Variants in AGMO observed in about 807,000 individuals in gnomAD.
The protein encoded by AGMO is alkylglycerol monooxygenase, also known as glyceryl-ether monooxygenase.
Under a neutral mutation model 60.2 loss-of-function variants are expected in AGMO, and 75 were observed. The observed-to-expected ratio is 1.25, with a 90% CI of 1.03 to 1.51. The LOEUF is 1.51. Ranked by LOEUF, AGMO falls within the 40% of genes most tolerant of loss-of-function variation. AGMO has a pLI of 0.00. For missense variants in AGMO, 763 were observed against 525.5 expected (o/e 1.45, Z -4.42); for synonymous variants, 261 against 177.1 (o/e 1.47, Z -3.76).
chr7:15,480,773 C>A (rs1013108294), intron 3 of AGMO, among the ~76,000 whole-genome samples: 1 of 152,018 alleles, frequency 6.6e-6, no homozygotes, highest in Non-Finnish European at 1.5e-5. Context: ...TGTCAAAGCA[C>A]CTGCCACTGC....
chr7:15,560,639 C>T (rs1023887517), intron 1 of AGMO, among the ~76,000 whole-genome samples: 3 of 152,146 alleles, frequency 2.0e-5, no homozygotes, highest in Admixed American at 1.3e-4. Flanking sequence ...TTTAGACCCA[C>T]TTCAAGAGGC....
intron 3 of AGMO, among the ~76,000 whole-genome samples, chr7:15,495,039 AT>A (rs1334408276): frequency 5.3e-5 from 8 of 152,246 alleles, no homozygotes; most frequent in African/African-American, 1.9e-4. Context: ...GACCTAAGGA[AT>A]TTTACCAGTA....
At chr7:15,320,637 C>G (rs1292728483) in intron 12 of AGMO, among the ~76,000 whole-genome samples, 3 of 152,052 alleles carry the variant, frequency 2.0e-5, no homozygotes, top group Middle Eastern at 3.4e-3. Context: ...TTCAGAGAAG[C>G]TGAATTTTTT....
At chr7:15,556,840 A>T (rs1785156812) in intron 2 of AGMO, among the ~76,000 whole-genome samples, 1 of 152,058 alleles carries the variant, frequency 6.6e-6, no homozygotes, top group Admixed American at 6.6e-5. Context: ...TAGAATACAT[A>T]GACATATATT....
intron 10 of AGMO, among the ~76,000 whole-genome samples, chr7:15,379,558 T>C (rs1385071405): frequency 6.6e-6 from 1 of 152,002 alleles, no homozygotes. Context: ...ACCAGGAAGA[T>C]ATTAAAACCC....
chr7:15,156,071 G>C, the AGMO span, among the ~76,000 whole-genome samples: 1 of 152,134 alleles, frequency 6.6e-6, no homozygotes, highest in African/African-American at 2.4e-5. Flanking sequence ...GCTGGTAATA[G>C]TGCTCCAGTG....
chr7:15,481,339 T>C lies in AGMO; in HGVS notation c.410-50231A>G, dbSNP rs546976461. Among the ~76,000 whole-genome samples, 14 of 152,194 alleles carry C rather than the reference T, an allele frequency of 9.2e-5. No individual in the cohort carries two copies. In the East Asian group the frequency reaches 2.7e-3, roughly 29 times the overall value. ...GAGAACACTTTGAGGGTGACATAAG[T>C]GTTGGGAGTTACCAGGCAGTCCGTG... is the stretch of plus-strand genomic sequence containing the variant. On this transcript the variant is annotated intron_variant, in intron 3 of 12. Coordinates refer to ENST00000342526, the MANE Select transcript of AGMO (RefSeq NM_001004320.2).
intron 12 of AGMO, among the ~76,000 whole-genome samples, chr7:15,257,754 GC>G (rs1783139365): frequency 6.6e-6 from 1 of 152,140 alleles, no homozygotes; most frequent in Non-Finnish European, 1.5e-5. Flanking sequence ...TGGGAGACAG[GC>G]AAGGAAGGAT....
chr7:15,463,138 T>C (rs1782188809), intron 3 of AGMO, among the ~76,000 whole-genome samples: 1 of 152,186 alleles, frequency 6.6e-6, no homozygotes, highest in African/African-American at 2.4e-5. Context: ...TTATTAAGGA[T>C]GTAATGATTC....
chr7:15,142,844 T>C, the AGMO span, among the ~76,000 whole-genome samples: 2 of 152,194 alleles, frequency 1.3e-5, no homozygotes, highest in African/African-American at 4.8e-5. Flanking sequence ...TTATTGAATG[T>C]CCGATATGTA....
chr7:15,234,968 A>C (rs1171447627), intron 12 of AGMO, among the ~76,000 whole-genome samples: 1 of 152,036 alleles, frequency 6.6e-6, no homozygotes, highest in African/African-American at 2.4e-5. Flanking sequence ...AGCTTTTCCT[A>C]ATCTTCTCCT....
chr7:15,308,823 TAAAG>T (rs1780685819), intron 12 of AGMO, among the ~76,000 whole-genome samples: 1 of 152,148 alleles, frequency 6.6e-6, no homozygotes, highest in African/African-American at 2.4e-5. Flanking sequence ...ATATTGTGGA[TAAAG>T]AAACAAAGTT....
chr7:15,268,894 T>G (rs1420348421), intron 12 of AGMO, among the ~76,000 whole-genome samples: 1 of 152,048 alleles, frequency 6.6e-6, no homozygotes, highest in Non-Finnish European at 1.5e-5. Flanking sequence ...TGCATCTTAC[T>G]AGGACTTGTA....
At chr7:15,139,609 G>A in the AGMO span, among the ~76,000 whole-genome samples, 42 of 149,154 alleles carry the variant, frequency 2.8e-4, no homozygotes, top group Middle Eastern at 3.4e-3. Context: ...ATTCTTGGTA[G>A]TGACATTATA....
intron 3 of AGMO, among the ~76,000 whole-genome samples, chr7:15,434,781 G>A (rs1477005756): frequency 1.3e-5 from 2 of 152,068 alleles, no homozygotes; most frequent in African/African-American, 4.8e-5. Context: ...ACTATGAGAT[G>A]ATAAACGTTT....
intron 3 of AGMO, among the ~76,000 whole-genome samples, chr7:15,511,549 T>C (rs1783674058): frequency 6.6e-6 from 1 of 152,070 alleles, no homozygotes; most frequent in South Asian, 2.1e-4. Context: ...GATGGATAAG[T>C]TCAGGAGACC....
rs79724060 is a variant in AGMO, at chr7:15,486,160, T to C, written c.410-55052A>G. ...CTCCAACTGTACAGAGGTGTTGCTA[T>C]TACATTTGCAAGCAGACATGGGCTA... is the stretch of plus-strand genomic sequence containing the variant. On this transcript the variant is annotated intron_variant, in intron 3 of 12. Transcript: ENST00000342526. 2.4e-4 allele frequency among the ~76,000 whole-genome samples: 37 copies of C among 152,206 alleles called. No homozygotes were observed. The East Asian group carries it at 6.8e-3, about 28-fold the overall frequency.
At chr7:15,373,214 G>C (rs1209767918) in intron 10 of AGMO, among the ~76,000 whole-genome samples, 1 of 151,704 alleles carries the variant, frequency 6.6e-6, no homozygotes, top group Non-Finnish European at 1.5e-5. Flanking sequence ...GGAGGAGGTG[G>C]TTTCAGTGAG....
At chr7:15,418,162 G>T (rs1583531169) in intron 5 of AGMO, among the ~76,000 whole-genome samples, 1 of 151,782 alleles carries the variant, frequency 6.6e-6, no homozygotes. Flanking sequence ...TTTTAAGGGT[G>T]TTTCAAAGAG....
Sources: allele counts gnomAD v4.1 joint callset (sites outside exome capture counted in the v4.1 genomes callset), GRCh38; gene constraint gnomAD v4.1.1; transcripts MANE v1.5; gene names NCBI Gene and HGNC (gene_info 2026-07-23, HGNC 2026-07-21).